TNFRSF11A: variants seen among roughly 807,000 people sequenced by gnomAD.
TNFRSF11A encodes the protein tumor necrosis factor receptor superfamily member 11A.
TNFRSF11A carries 32 observed loss-of-function variants against 55.7 expected under a neutral mutation model. The ratio of observed to expected loss-of-function variants is 0.57; its 90% CI spans 0.43 to 0.77. TNFRSF11A has a LOEUF of 0.77. Among genes scored for constraint, TNFRSF11A ranks in the 30% least tolerant of loss-of-function variants. The pLI, the probability that TNFRSF11A is intolerant of heterozygous loss-of-function variation, is 0.00. For missense variants in TNFRSF11A, 753 were observed against 809.8 expected (o/e 0.93, Z 0.85); for synonymous variants, 311 against 331.0 (o/e 0.94, Z 0.65).
chr18:62,349,687 G>A, intron 2 of TNFRSF11A, 125 bp from the exon 3 acceptor site: 2 of 1,112,084 alleles, frequency 1.8e-6, no homozygotes, highest in South Asian at 1.3e-5. Flanking sequence ...GGGGTGTCCT[G>A]GGATCATGGG....
At chr18:62,373,950 C>T (rs978202580) in intron 9 of TNFRSF11A, 36 of 152,208 alleles carry the variant, frequency 2.4e-4, no homozygotes, top group African/African-American at 8.5e-4. Context: ...ACTTACCTCC[C>T]CTCCTTTCTT....
In TNFRSF11A at chr18:62,384,934, A is replaced by G; in HGVS notation, c.1751A>G (p.Asn584Ser). 6.5e-7 allele frequency: 1 copy of G among 1,545,106 alleles called. No homozygotes were observed. The highest frequency in any genetic ancestry group is 2.0e-5 in the Admixed American group (1 of 51,250). Residue 584 changes from asparagine to serine, a missense_variant, in exon 10 of 10, where the codon AAC becomes AGC. Physicochemically the swap from Asn to Ser is conservative, Grantham distance 46 (BLOSUM62 1). This residue lies in a region of TNFRSF11A where 567 missense variants were observed against 596.7 expected (regional missense o/e 0.95). Coordinates refer to ENST00000586569, the MANE Select transcript of TNFRSF11A (RefSeq NM_003839.4). ...GCGCGCCGAGACTCCTTCGCGGGGA[A>G]CGGCCCGCGCTTCCCGGACCCGTGC... Reference protein sequence around the residue: ...TLARRDSFAGNGPRFPDPCGG... With the variant: ...TLARRDSFAGSGPRFPDPCGG...
intron 9 of TNFRSF11A, among the ~76,000 whole-genome samples, chr18:62,373,263 T>C (rs1910676458): frequency 6.6e-6 from 1 of 152,062 alleles, no homozygotes; most frequent in South Asian, 2.1e-4. Flanking sequence ...TTCAAGACCA[T>C]CCTGACCAAC....
In TNFRSF11A at chr18:62,388,714, C is replaced by T. The variant is rs944639493; in HGVS notation, c.*3680C>T. On this transcript the variant is annotated 3_prime_UTR_variant, in exon 10 of 10. Coordinates refer to ENST00000586569, the MANE Select transcript of TNFRSF11A (RefSeq NM_003839.4). ...TTAAGTGCTGTGTCAAAATTCTTTC[C>T]AGAGCCAAATATAGGTGATTTGGGA... 7.9e-5 allele frequency: 12 copies of T among 152,186 alleles called. No homozygotes were observed. The highest frequency in any genetic ancestry group is 2.7e-4 in the African/African-American group (11 of 41,436). 9.4% of individuals were successfully genotyped at this position (152,186 alleles called of 1,614,324 possible).
At chr18:62,327,061 A>G (rs1187621207) in intron 1 of TNFRSF11A, among the ~76,000 whole-genome samples, 4 of 152,134 alleles carry the variant, frequency 2.6e-5, no homozygotes, top group African/African-American at 9.7e-5. Context: ...GAGGAAGCAT[A>G]TGGTGAGTAA....
At position 62,385,327 on chromosome 18, in the gene TNFRSF11A, T is replaced by A; in HGVS notation, c.*293T>A. 1 of 257,912 alleles carries A rather than the reference T, an allele frequency of 3.9e-6. No individual in the cohort carries two copies. The highest frequency in any genetic ancestry group is 7.1e-6 in the Non-Finnish European group (1 of 141,156). The allele number at this position is 257,912 out of a possible 1,614,324, so 16.0% of individuals were successfully genotyped here. On this transcript the variant is annotated 3_prime_UTR_variant, in exon 10 of 10. Coordinates refer to ENST00000586569, the MANE Select transcript of TNFRSF11A (RefSeq NM_003839.4). ...TGTGGCACTATGACAGCTATTTTTA[T>A]GACTATCCTGTTCTGTGGGGGGGGG...
chr18:62,368,082 C>T (rs1288653002), intron 8 of TNFRSF11A, among the ~76,000 whole-genome samples: 2 of 152,162 alleles, frequency 1.3e-5, no homozygotes, highest in South Asian at 4.1e-4. Context: ...GCATGAGCCA[C>T]CACGCCTGGT....
intron 9 of TNFRSF11A, among the ~76,000 whole-genome samples, chr18:62,373,326 G>T (rs764698464): frequency 2.0e-5 from 3 of 152,154 alleles, no homozygotes; most frequent in Non-Finnish European, 4.4e-5. Context: ...GGGCATGGTG[G>T]CATGCGCCTG....
intron 7 of TNFRSF11A, among the ~76,000 whole-genome samples, chr18:62,365,634 CTTG>C (rs1307820960): frequency 6.6e-6 from 1 of 152,040 alleles, no homozygotes; most frequent in Non-Finnish European, 1.5e-5. Flanking sequence ...CCAAAGAAAA[CTTG>C]TTAAGAGAAT....
At chr18:62,329,020 C>T (rs1307944662) in intron 1 of TNFRSF11A, among the ~76,000 whole-genome samples, 1 of 152,178 alleles carries the variant, frequency 6.6e-6, no homozygotes, top group African/African-American at 2.4e-5. Flanking sequence ...AGCAGGGCCT[C>T]CTCTGCAAAG....
chr18:62,379,978 T>C (rs955806751), intron 9 of TNFRSF11A, among the ~76,000 whole-genome samples: 1 of 152,226 alleles, frequency 6.6e-6, no homozygotes, highest in African/African-American at 2.4e-5. Flanking sequence ...GATTAGAGCC[T>C]CAGTGGGGAA....
intron 1 of TNFRSF11A, among the ~76,000 whole-genome samples, chr18:62,337,771 C>T (rs1260248538): frequency 2.0e-5 from 3 of 152,148 alleles, no homozygotes; most frequent in Non-Finnish European, 2.9e-5. Flanking sequence ...TGTTCTTCTC[C>T]CCTGGACTGT....
chr18:62,390,580 C>T lies in TNFRSF11A; in HGVS notation c.*5546C>T, dbSNP rs1020693755. On this transcript the variant is annotated 3_prime_UTR_variant, in exon 10 of 10. Transcript: ENST00000586569. ...GCTCTCACCCAGGCTCTTGGTTTCT[C>T]ACGGGCAGGGGTAGCCCAGGAAACA... The T allele has an allele frequency of 1.1e-4, 16 of 152,184 alleles. No homozygotes were observed. The highest frequency in any genetic ancestry group is 3.9e-4 in the African/African-American group (16 of 41,440). 9.4% of individuals were successfully genotyped at this position (152,184 alleles called of 1,614,324 possible).
chr18:62,369,164 T>C lies in TNFRSF11A; in HGVS notation c.1247T>C (p.Met416Thr), dbSNP rs1910326271. Residue 416 changes from methionine (M) to threonine (T), a missense_variant, in exon 9 of 10, where the codon ATG (methionine) becomes ACG (threonine). Physicochemically the swap from Met to Thr is moderately conservative, Grantham distance 81. Transcript: ENST00000586569. ...EPLCRTDWTP[M>T]SSENYLQKEV... ...CTGTGCAGGACTGATTGGACTCCCA[T>C]GTCCTCTGAAAACTACTTGCAAAAA... 1.9e-6 allele frequency: 3 copies of C among 1,614,144 alleles called. No homozygotes were observed. The highest frequency in any genetic ancestry group is 2.2e-5 in the East Asian group (1 of 44,886).
intron 9 of TNFRSF11A, among the ~76,000 whole-genome samples, chr18:62,371,509 G>A (rs1910550590): frequency 6.6e-6 from 1 of 152,124 alleles, no homozygotes; most frequent in Non-Finnish European, 1.5e-5. Flanking sequence ...TGGAGAAAAG[G>A]AATAAAAAGT....
At chr18:62,348,371 G>A in intron 2 of TNFRSF11A, 122 bp downstream of exon 2, 1 of 802,966 alleles carries the variant, frequency 1.2e-6, no homozygotes, top group Non-Finnish European at 2.1e-6. Flanking sequence ...GTGGCAGGTG[G>A]TAATGTCTGT....
At chr18:62,350,537 CCGCCT>C (rs1185706501) in intron 3 of TNFRSF11A, among the ~76,000 whole-genome samples, 8 of 152,116 alleles carry the variant, frequency 5.3e-5, no homozygotes, top group Non-Finnish European at 7.3e-5. Flanking sequence ...TGTGATCTGC[CCGCCT>C]CGGCCTTCCA....
At chr18:62,362,900 G>C (rs964104000) in intron 7 of TNFRSF11A, among the ~76,000 whole-genome samples, 2 of 152,096 alleles carry the variant, frequency 1.3e-5, no homozygotes, top group African/African-American at 4.8e-5. Context: ...CTGGAGTGTA[G>C]TGGCACGATC....
chr18:62,361,824 AATCTTAAAAG>A, intron 7 of TNFRSF11A, 31 bp downstream of exon 7: 1 of 1,564,756 alleles, frequency 6.4e-7, no homozygotes, highest in African/African-American at 1.4e-5. Context: ...TTTGCAAACC[AATCTTAAAAG>A]ATAGATTTCT....
Sources: allele counts gnomAD v4.1 joint callset (sites outside exome capture counted in the v4.1 genomes callset), GRCh38; gene constraint gnomAD v4.1.1; regional missense constraint gnomAD v4.1.1; transcripts MANE v1.5; gene names NCBI Gene and HGNC (gene_info 2026-07-23, HGNC 2026-07-21).